Variants in P4HA2 observed in about 807,000 individuals in gnomAD.
P4HA2 encodes the protein prolyl 4-hydroxylase subunit alpha-2.
Under a neutral mutation model 76.9 loss-of-function variants are expected in P4HA2, and 46 were observed. The observed-to-expected ratio is 0.60, with a 90% CI of 0.47 to 0.76. The LOEUF (loss-of-function observed/expected upper bound fraction) is 0.76. Among genes scored for constraint, P4HA2 ranks in the 30% least tolerant of loss-of-function variants. The pLI, the probability that P4HA2 is intolerant of heterozygous loss-of-function variation, is 0.00. For synonymous variants in P4HA2, 243 were observed against 254.0 expected (o/e 0.96, Z 0.41); for missense variants, 583 against 669.4 (o/e 0.87, Z 1.42).
intron 12 of P4HA2, 66 bp from the exon 13 acceptor site, chr5:132,195,546 G>A: frequency 1.6e-6 from 2 of 1,219,708 alleles, no homozygotes; most frequent in Non-Finnish European, 2.4e-6. Flanking sequence ...GAGCCACAAA[G>A]GACATGACAA....
intron 5 of P4HA2, among the ~76,000 whole-genome samples, chr5:132,211,247 T>C (rs963711851): frequency 3.3e-5 from 5 of 152,106 alleles, no homozygotes; most frequent in African/African-American, 9.7e-5. Context: ...ACCATGAAGA[T>C]AGTTTCAAGC....
intron 5 of P4HA2, among the ~76,000 whole-genome samples, chr5:132,211,161 A>G (rs892121506): frequency 2.0e-5 from 3 of 152,234 alleles, no homozygotes; most frequent in Non-Finnish European, 4.4e-5. Flanking sequence ...GTTAAGTGGC[A>G]GGGACCTTGC....
intron 12 of P4HA2, chr5:132,198,040 A>G: frequency 1.0e-6 from 1 of 985,408 alleles, no homozygotes; most frequent in Non-Finnish European, 1.2e-6. Context: ...AAATGAATAG[A>G]AACAGAGGCC....
chr5:132,204,192 T>G, intron 8 of P4HA2, 40 bp from the exon 9 acceptor site: 3 of 1,484,556 alleles, frequency 2.0e-6, no homozygotes, highest in Non-Finnish European at 2.8e-6. Flanking sequence ...ATTTGTTTGT[T>G]TGTTTGTTTT....
chr5:132,213,125 T>G (rs1042492045), intron 5 of P4HA2, among the ~76,000 whole-genome samples: 3 of 152,184 alleles, frequency 2.0e-5, no homozygotes, highest in Non-Finnish European at 2.9e-5. Flanking sequence ...GATATCAGTA[T>G]GCCAGAATTC....
At chr5:132,223,850 C>G (rs2126639455) in intron 1 of P4HA2, among the ~76,000 whole-genome samples, 1 of 152,296 alleles carries the variant, frequency 6.6e-6, no homozygotes, top group South Asian at 2.1e-4. Context: ...ATGACAGAAC[C>G]AAGAGTCAAA....
intron 4 of P4HA2, among the ~76,000 whole-genome samples, chr5:132,216,003 T>C (rs1753816867): frequency 7.1e-6 from 1 of 140,458 alleles, no homozygotes; most frequent in Admixed American, 7.2e-5. Context: ...CTACTAAAAA[T>C]ACCAAAAAAA....
intron 8 of P4HA2, among the ~76,000 whole-genome samples, chr5:132,206,875 A>G (rs1752273604): frequency 6.6e-6 from 1 of 152,218 alleles, no homozygotes; most frequent in South Asian, 2.1e-4. Flanking sequence ...AGGCAACCAA[A>G]GAGAAATCAG....
chr5:132,204,069 GCT>G lies in P4HA2; in HGVS notation c.1151+11_1151+12del. On this transcript the variant is annotated intron_variant, in intron 9 of 14. Transcript: ENST00000360568. Reference sequence around the variant, plus strand: ...GGGGCTTGAGCAGCTACGAACCCCTGCTCTTTGCTTACCTTTTGGAAACCCGG... The same window carrying G: ...GGGGCTTGAGCAGCTACGAACCCCTGCTTTGCTTACCTTTTGGAAACCCGG... 2 of 1,607,348 alleles carry G rather than the reference GCT, an allele frequency of 1.2e-6. No homozygotes were observed. The highest frequency in any genetic ancestry group is 1.7e-6 in the Non-Finnish European group (2 of 1,173,748).
intron 1 of P4HA2, among the ~76,000 whole-genome samples, chr5:132,221,646 T>C (rs1036418044): frequency 2.0e-5 from 3 of 152,244 alleles, no homozygotes; most frequent in African/African-American, 4.8e-5. Context: ...GTCATACATC[T>C]GGCTATATCT....
intron 8 of P4HA2, among the ~76,000 whole-genome samples, chr5:132,207,202 A>T (rs1460606481): frequency 6.6e-6 from 1 of 152,254 alleles, no homozygotes; most frequent in Non-Finnish European, 1.5e-5. Context: ...GAAACTACCA[A>T]GGAATAAACT....
chr5:132,227,582 G>A (rs1216869410), intron 1 of P4HA2: 1 of 152,496 alleles, frequency 6.6e-6, no homozygotes, highest in Non-Finnish European at 1.5e-5. Context: ...GGCGGCACAA[G>A]AACCCAGACG....
intron 10 of P4HA2, chr5:132,200,056 G>C (rs1197659596): frequency 1.3e-5 from 2 of 152,246 alleles, no homozygotes; most frequent in Non-Finnish European, 2.9e-5. Context: ...GAAAAAATTA[G>C]CTGGGCACAG....
chr5:132,194,068 T>G (rs1462655741), intron 14 of P4HA2, among the ~76,000 whole-genome samples: 1 of 152,162 alleles, frequency 6.6e-6, no homozygotes, highest in Non-Finnish European at 1.5e-5. Flanking sequence ...TTCCTTGACT[T>G]TCAACTTTGG....
chr5:132,215,589 C>A (rs970525642), intron 4 of P4HA2, among the ~76,000 whole-genome samples: 8 of 152,208 alleles, frequency 5.3e-5, no homozygotes, highest in Non-Finnish European at 1.2e-4. Context: ...CCCCCAGGCC[C>A]AACCCAGTCT....
At chr5:132,194,205 C>A (rs887303952) in intron 14 of P4HA2, among the ~76,000 whole-genome samples, 5 of 152,164 alleles carry the variant, frequency 3.3e-5, no homozygotes, top group African/African-American at 1.2e-4. Context: ...TACACCTGAG[C>A]CATCTAGTAG....
intron 1 of P4HA2, among the ~76,000 whole-genome samples, chr5:132,225,869 G>A (rs573624956): frequency 2.0e-5 from 3 of 152,216 alleles, no homozygotes; most frequent in Admixed American, 2.0e-4. Context: ...TGAGCTCTCA[G>A]AGAACTAGGG....
chr5:132,200,432 GT>G, intron 10 of P4HA2: 1 of 163,168 alleles, frequency 6.1e-6, no homozygotes. Context: ...AGGAAGCCTG[GT>G]TCAGCAGGTG....
intron 5 of P4HA2, among the ~76,000 whole-genome samples, chr5:132,213,306 G>A (rs1220212682): frequency 6.6e-6 from 1 of 152,210 alleles, no homozygotes; most frequent in Admixed American, 6.5e-5. Context: ...CAGATACTGT[G>A]AGTTCAGGAG....
Sources: gnomAD v4.1 joint callset for allele counts (sites outside exome capture counted in the v4.1 genomes callset) on GRCh38, gnomAD v4.1.1 for gene constraint, MANE v1.5 for transcripts, NCBI Gene and HGNC (gene_info 2026-07-23, HGNC 2026-07-21) for gene names.